The following FBXL17 variants were observed in gnomAD, a reference collection of about 807,000 sequenced individuals.
FBXL17 encodes the protein F-box/LRR-repeat protein 17.
A neutral mutation model predicts 66.2 loss-of-function variants in FBXL17; 22 were observed. The ratio of observed to expected loss-of-function variants is 0.33; its 90% CI spans 0.24 to 0.47. FBXL17 has a LOEUF of 0.47. Among genes scored for constraint, FBXL17 ranks in the 20% least tolerant of loss-of-function variants. The pLI, the probability that FBXL17 is intolerant of heterozygous loss-of-function variation, is 1.00. For missense variants in FBXL17, 878 were observed against 948.2 expected (o/e 0.93, Z 0.97); for synonymous variants, 474 against 400.5 (o/e 1.18, Z -2.19).
chr5:108,117,693 G>C (rs1281120098), intron 6 of FBXL17, among the ~76,000 whole-genome samples: 1 of 152,084 alleles, frequency 6.6e-6, no homozygotes, highest in East Asian at 1.9e-4. Context: ...TGAGGAAAAG[G>C]GGTCTGTGGT....
intron 6 of FBXL17, among the ~76,000 whole-genome samples, chr5:108,029,028 C>T (rs1754932682): frequency 6.6e-6 from 1 of 152,250 alleles, no homozygotes; most frequent in South Asian, 2.1e-4. Flanking sequence ...CATCTTCATT[C>T]CAAATGTTTC....
intron 6 of FBXL17, among the ~76,000 whole-genome samples, chr5:108,080,923 C>T (rs1271193455): frequency 2.0e-5 from 3 of 152,096 alleles, no homozygotes. Flanking sequence ...GTGCCAGACT[C>T]TTAGTTAATC....
At chr5:107,977,955 T>C (rs989039257) in intron 7 of FBXL17, among the ~76,000 whole-genome samples, 1 of 152,170 alleles carries the variant, frequency 6.6e-6, no homozygotes, top group Non-Finnish European at 1.5e-5. Flanking sequence ...GACCCATGCC[T>C]AAGAAGGGAA....
At chr5:107,998,299 C>T (rs989528715) in intron 7 of FBXL17, among the ~76,000 whole-genome samples, 8 of 152,132 alleles carry the variant, frequency 5.3e-5, no homozygotes, top group Non-Finnish European at 8.8e-5. Flanking sequence ...TTCCATTGGA[C>T]AGTGTTTGCT....
At chr5:108,060,548 C>T (rs1031502497) in intron 6 of FBXL17, among the ~76,000 whole-genome samples, 13 of 152,286 alleles carry the variant, frequency 8.5e-5, no homozygotes, top group Admixed American at 7.8e-4. Flanking sequence ...CCACTAGTCT[C>T]TTATTGTCTA....
chr5:107,987,384 G>C (rs1469961368), intron 7 of FBXL17, among the ~76,000 whole-genome samples: 1 of 151,392 alleles, frequency 6.6e-6, no homozygotes, highest in African/African-American at 2.4e-5. Context: ...TTACCTCCCT[G>C]GTGCTAAAGC....
intron 4 of FBXL17, among the ~76,000 whole-genome samples, chr5:108,336,249 G>A (rs1580841168): frequency 6.6e-6 from 1 of 152,160 alleles, no homozygotes; most frequent in South Asian, 2.1e-4. Context: ...CTCAAAGCAT[G>A]CAATGCCGGT....
chr5:108,330,919 G>C (rs111685685), intron 4 of FBXL17, among the ~76,000 whole-genome samples: 3,410 of 152,216 alleles, frequency 0.022, 132 homozygotes, highest in African/African-American at 0.078. Flanking sequence ...TGGGCATGGT[G>C]GCGGGCACCT....
chr5:107,936,768 C>G (rs956687871), intron 7 of FBXL17, among the ~76,000 whole-genome samples: 1 of 151,998 alleles, frequency 6.6e-6, no homozygotes, highest in Non-Finnish European at 1.5e-5. Context: ...TAACATTGGA[C>G]CAGTAAATCC....
intron 4 of FBXL17, among the ~76,000 whole-genome samples, chr5:108,262,880 C>G (rs1756895898): frequency 6.6e-6 from 1 of 152,126 alleles, no homozygotes; most frequent in Non-Finnish European, 1.5e-5. Context: ...CCATTACTAC[C>G]TATTTATAAT....
At chr5:108,013,576 G>C (rs1404132294) in intron 7 of FBXL17, among the ~76,000 whole-genome samples, 1 of 152,040 alleles carries the variant, frequency 6.6e-6, no homozygotes, top group Non-Finnish European at 1.5e-5. Flanking sequence ...GCCCCAACAT[G>C]TCATAGGCAG....
rs149163100 is a variant in FBXL17, at chr5:107,861,846, C to G, written c.1980G>C (p.Thr660=). 1 of 1,534,842 alleles carries G rather than the reference C, an allele frequency of 6.5e-7. No individual in the cohort carries two copies. Among genetic ancestry groups the G allele is most frequent in the Admixed American group, 1.9e-5 (1 of 52,430 alleles). ...GGTACTGCTGCACCAGCTGTTCCAC[C>G]GTCACTTCGTTGACCTGCAAACAAA... The part of the protein sequence containing the change: ...LMRCDKVNEV[T]VEQLVQQYPH... The change falls in exon 9 of 9, where the codon ACG becomes ACC. Residue 660 remains threonine, a synonymous_variant. Transcript: ENST00000542267.
At chr5:108,207,997 G>A (rs1754200587) in intron 5 of FBXL17, among the ~76,000 whole-genome samples, 1 of 152,128 alleles carries the variant, frequency 6.6e-6, no homozygotes, top group Non-Finnish European at 1.5e-5. Flanking sequence ...ACTTTTTAAT[G>A]ATTGCCATTA....
chr5:108,290,126 T>G (rs747227676), intron 4 of FBXL17, among the ~76,000 whole-genome samples: 2 of 152,160 alleles, frequency 1.3e-5, no homozygotes, highest in Non-Finnish European at 2.9e-5. Context: ...GCTGGGTGTA[T>G]CTGGCAATGA....
intron 7 of FBXL17, among the ~76,000 whole-genome samples, chr5:108,012,905 C>T (rs1409921387): frequency 2.0e-5 from 3 of 151,136 alleles, no homozygotes; most frequent in African/African-American, 7.3e-5. Context: ...ATCCCAGCTA[C>T]TAGGGAGGCT....
At chr5:108,143,535 C>T (rs997107794) in intron 6 of FBXL17, among the ~76,000 whole-genome samples, 24 of 152,150 alleles carry the variant, frequency 1.6e-4, no homozygotes, top group African/African-American at 5.1e-4. Context: ...TTGCTCTCTT[C>T]TCTCTTCTGC....
rs533523260 is a variant in FBXL17 at position 108,375,853 on chromosome 5, G to A, written c.993+4846C>T. 1.4e-4 allele frequency among the ~76,000 whole-genome samples: 21 copies of A among 152,190 alleles called. No homozygotes were observed. The South Asian group carries it at 2.1e-3, about 15-fold the overall frequency. ...CAGACCAATGTCCCTTATGAATACC[G>A]ATGTGAAAATCTTCAATAAAATATA... On this transcript the variant is annotated intron_variant, in intron 1 of 8. Coordinates refer to ENST00000542267, the MANE Select transcript of FBXL17 (RefSeq NM_001163315.3).
intron 4 of FBXL17, among the ~76,000 whole-genome samples, chr5:108,239,323 T>G (rs1397184937): frequency 6.6e-6 from 1 of 152,138 alleles, no homozygotes. Context: ...AAAGACATAC[T>G]TGAATTGCCA....
At chr5:108,017,684 A>T (rs1754437044) in intron 7 of FBXL17, among the ~76,000 whole-genome samples, 1 of 152,184 alleles carries the variant, frequency 6.6e-6, no homozygotes, top group Admixed American at 6.5e-5. Context: ...TTTTTCCACA[A>T]CACTGCCAAT....
Sources: gnomAD v4.1 joint callset for allele counts (sites outside exome capture counted in the v4.1 genomes callset) on GRCh38, gnomAD v4.1.1 for gene constraint, MANE v1.5 for transcripts, NCBI Gene and HGNC (gene_info 2026-07-23, HGNC 2026-07-21) for gene names.